Variants in ZNF804B observed in about 807,000 individuals in gnomAD.
The protein encoded by ZNF804B is zinc finger protein 804B.
In ZNF804B, 80 loss-of-function variants were observed where a neutral mutation model predicts 101.4. The ratio of observed to expected loss-of-function variants is 0.79; its 90% CI spans 0.66 to 0.95. The LOEUF (loss-of-function observed/expected upper bound fraction) is 0.95. Among genes scored for constraint, ZNF804B ranks in the 40% least tolerant of loss-of-function variants. The pLI is 0.00. For synonymous variants in ZNF804B, 622 were observed against 558.8 expected (o/e 1.11, Z -1.59); for missense variants, 1,673 against 1,561.9 (o/e 1.07, Z -1.20).
intron 2 of ZNF804B, among the ~76,000 whole-genome samples, chr7:89,228,826 C>G (rs1020442208): frequency 6.6e-6 from 1 of 152,136 alleles, no homozygotes; most frequent in Non-Finnish European, 1.5e-5. Flanking sequence ...GGGTGGCACT[C>G]GTTGGGGAGG....
intron 1 of ZNF804B, among the ~76,000 whole-genome samples, chr7:88,991,072 A>G (rs1170987416): frequency 3.3e-5 from 5 of 152,176 alleles, no homozygotes; most frequent in Non-Finnish European, 7.4e-5. Flanking sequence ...TACTGGGTGA[A>G]GTCAAAAATC....
At chr7:89,322,138 G>A (rs190204355) in intron 2 of ZNF804B, among the ~76,000 whole-genome samples, 195 of 152,246 alleles carry the variant, frequency 1.3e-3, no homozygotes, top group African/African-American at 4.3e-3. Flanking sequence ...CTTTTCACTA[G>A]TAATTGATAA....
chr7:88,783,404 G>A (rs1263455798), intron 1 of ZNF804B, among the ~76,000 whole-genome samples: 1 of 152,096 alleles, frequency 6.6e-6, no homozygotes, highest in Non-Finnish European at 1.5e-5. Context: ...GTGACTTTGG[G>A]CGCATCTCTA....
intron 1 of ZNF804B, among the ~76,000 whole-genome samples, chr7:88,990,775 C>T (rs1793833527): frequency 6.6e-6 from 1 of 151,994 alleles, no homozygotes; most frequent in Non-Finnish European, 1.5e-5. Context: ...TATCACATAC[C>T]TTTGTTTCTA....
chr7:89,303,897 A>T (rs937884580), intron 2 of ZNF804B, among the ~76,000 whole-genome samples: 1 of 151,958 alleles, frequency 6.6e-6, no homozygotes, highest in Non-Finnish European at 1.5e-5. Flanking sequence ...CTTTGTTAAT[A>T]AAGATAAGAA....
intron 1 of ZNF804B, among the ~76,000 whole-genome samples, chr7:88,981,867 G>A (rs1014185552): frequency 6.6e-6 from 1 of 152,016 alleles, no homozygotes; most frequent in Non-Finnish European, 1.5e-5. Flanking sequence ...GGGGATCAGG[G>A]AGTGGTGGTG....
chr7:89,079,270 T>C (rs770052489), intron 1 of ZNF804B, among the ~76,000 whole-genome samples: 16 of 150,008 alleles, frequency 1.1e-4, no homozygotes, highest in Non-Finnish European at 1.6e-4. Context: ...ACATGGTCAT[T>C]TTTTTTTCTA....
At chr7:88,815,044 G>A (rs1051475700) in intron 1 of ZNF804B, among the ~76,000 whole-genome samples, 1 of 148,846 alleles carries the variant, frequency 6.7e-6, no homozygotes, top group African/African-American at 2.4e-5. Flanking sequence ...ATATGTGTGT[G>A]TGTGTGTATA....
At chr7:88,823,862 A>G (rs1791018318) in intron 1 of ZNF804B, among the ~76,000 whole-genome samples, 2 of 152,206 alleles carry the variant, frequency 1.3e-5, no homozygotes, top group Admixed American at 6.5e-5. Context: ...TGATGGAAGC[A>G]TAAGACCTGA....
At chr7:89,315,811 G>C (rs895342111) in intron 2 of ZNF804B, among the ~76,000 whole-genome samples, 1 of 152,002 alleles carries the variant, frequency 6.6e-6, no homozygotes, top group Non-Finnish European at 1.5e-5. Flanking sequence ...TTGATCCTGC[G>C]CTGGCAGAAT....
At position 89,338,132 on chromosome 7, in the gene ZNF804B, G is replaced by T. The variant is rs1791133761; in HGVS notation, c.*1100G>T. On this transcript the variant is annotated 3_prime_UTR_variant, in exon 4 of 4. Coordinates refer to ENST00000333190, the MANE Select transcript of ZNF804B (RefSeq NM_181646.5). ...AATTTGCATTTCATACATCTATATT[G>T]GTGCATAATCCTACAGTTAGGTTTA... 6.6e-6 allele frequency among the ~76,000 whole-genome samples: 1 copy of T among 151,966 alleles called. No homozygotes were observed. Among genetic ancestry groups the T allele is most frequent in the South Asian group, 2.1e-4 (1 of 4,824 alleles).
chr7:88,800,176 C>T (rs1255967454), intron 1 of ZNF804B, among the ~76,000 whole-genome samples: 2 of 151,780 alleles, frequency 1.3e-5, no homozygotes, highest in Middle Eastern at 3.2e-3. Context: ...ATATAATAAG[C>T]TATTGAGTAG....
intron 1 of ZNF804B, among the ~76,000 whole-genome samples, chr7:88,944,381 T>G (rs1302489136): frequency 1.3e-5 from 2 of 151,838 alleles, no homozygotes; most frequent in Non-Finnish European, 2.9e-5. Context: ...TTTGTTTCAC[T>G]TTTGTATTTT....
intron 1 of ZNF804B, among the ~76,000 whole-genome samples, chr7:88,762,474 T>G (rs2519939): frequency 0.38 from 57,768 of 152,030 alleles, 13,684 homozygotes; most frequent in African/African-American, 0.68. Flanking sequence ...ACTTGAAAAC[T>G]TTCCTAATCT....
chr7:89,060,126 C>T (rs914462579), intron 1 of ZNF804B, among the ~76,000 whole-genome samples: 3 of 152,070 alleles, frequency 2.0e-5, no homozygotes, highest in African/African-American at 7.2e-5. Flanking sequence ...GCCATACTAT[C>T]GGCATCCCAG....
At chr7:89,282,141 C>T (rs1427427213) in intron 2 of ZNF804B, among the ~76,000 whole-genome samples, 1 of 146,028 alleles carries the variant, frequency 6.8e-6, no homozygotes, top group East Asian at 2.0e-4. Flanking sequence ...GCGGAGCTTG[C>T]AGTGAGCCGA....
At chr7:89,141,088 G>A (rs1790709837) in intron 1 of ZNF804B, among the ~76,000 whole-genome samples, 1 of 152,030 alleles carries the variant, frequency 6.6e-6, no homozygotes, top group African/African-American at 2.4e-5. Flanking sequence ...ATGGGGAACA[G>A]CCTGTCAGTG....
intron 2 of ZNF804B, among the ~76,000 whole-genome samples, chr7:89,245,739 A>G (rs902970480): frequency 6.6e-6 from 1 of 152,198 alleles, no homozygotes; most frequent in Admixed American, 6.5e-5. Context: ...GACAATGGGA[A>G]TCCACCAGAA....
chr7:89,240,788 A>C (rs1562926003), intron 2 of ZNF804B, among the ~76,000 whole-genome samples: 1 of 152,066 alleles, frequency 6.6e-6, no homozygotes, highest in East Asian at 1.9e-4. Context: ...AGTACTTAAA[A>C]TTTTCCTATT....
Sources: allele counts gnomAD v4.1 joint callset (sites outside exome capture counted in the v4.1 genomes callset), GRCh38; gene constraint gnomAD v4.1.1; transcripts MANE v1.5; gene names NCBI Gene and HGNC (gene_info 2026-07-23, HGNC 2026-07-21).